TM9SF3: variants seen among roughly 807,000 people sequenced by gnomAD.
TM9SF3 encodes SM-11044-binding protein.
In TM9SF3, 14 loss-of-function variants were observed where a neutral mutation model predicts 78.6. The ratio of observed to expected loss-of-function variants is 0.18; its 90% confidence interval spans 0.12 to 0.28. The LOEUF (loss-of-function observed/expected upper bound fraction) is 0.28. Ranked by LOEUF, TM9SF3 falls within the 10% of genes least tolerant of loss-of-function variation. The probability of loss-of-function intolerance (pLI) is 1.00; values close to 1 mark genes in which losing one functional copy is unlikely to be tolerated. For synonymous variants in TM9SF3, 231 were observed against 241.7 expected, an observed-to-expected ratio of 0.96 and a Z score of 0.41; for missense variants, 496 against 721.9, an observed-to-expected ratio of 0.69 and a Z score of 3.59.
intron 10 of TM9SF3, among the ~76,000 whole-genome samples, chr10:96,531,632 G>A (rs922538494): frequency 6.6e-6 from 1 of 152,128 alleles, no homozygotes; most frequent in Non-Finnish European, 1.5e-5. Flanking sequence ...GAGGTTAAAA[G>A]TGATCTGCCC....
Position 96,535,408 on chromosome 10 carries a change from G to A in TM9SF3, c.1186-2218C>T, listed in dbSNP as rs377561407. On this transcript the variant is annotated intron_variant, in intron 9 of 14. Coordinates refer to ENST00000371142, the MANE Select transcript of TM9SF3 (RefSeq NM_020123.4). The stretch of plus-strand genomic sequence containing the variant: ...ATAACTAAATAAATTGGGTGCTGAA[G>A]ATAAGTAATAGCTTACTTTATTCAA... 1.9e-4 allele frequency among the ~76,000 whole-genome samples: 29 copies of A among 152,284 alleles called. No homozygotes were observed. The East Asian group carries it at 2.9e-3, about 15-fold the overall frequency.
At chr10:96,560,579 G>A (rs555498260) in intron 4 of TM9SF3, 127 of 680,644 alleles carry the variant, frequency 1.9e-4, no homozygotes, top group Non-Finnish European at 1.5e-4. Context: ...AGGAGGAGGC[G>A]AAATTCTTAA....
chr10:96,560,478 C>G (rs1848292437), intron 4 of TM9SF3: 3 of 757,988 alleles, frequency 4.0e-6, no homozygotes, highest in Non-Finnish European at 7.1e-6. Flanking sequence ...ACCACCAGTG[C>G]TTTTATGGTT....
At position 96,559,663 on chromosome 10, in the gene TM9SF3, T is replaced by C; in HGVS notation, c.656A>G (p.His219Arg). The change falls in exon 5 of 15, where the codon CAT becomes CGT. Residue 219 changes from histidine to arginine, a missense_variant. His to Arg is a conservative substitution (Grantham distance 29). Transcript: ENST00000371142. ...TAAAATACACTATTTACCTACCCGA[T>C]GTTGAAAAAAGGACGGATCAAGATA... ...DKYLDPSFFQ[H>R]RIHWFSIFNS... is the part of the protein sequence containing the mutation. 1.3e-6 allele frequency: 2 copies of C among 1,587,624 alleles called. No individual in the cohort carries two copies. The highest frequency in any genetic ancestry group is 1.7e-6 in the Non-Finnish European group (2 of 1,163,322).
intron 1 of TM9SF3, among the ~76,000 whole-genome samples, chr10:96,580,203 G>A (rs1180194485): frequency 1.3e-5 from 2 of 152,116 alleles, no homozygotes; most frequent in African/African-American, 2.4e-5. Flanking sequence ...CTACACTTAC[G>A]TCATCCACGC....
rs398014526 is a variant in TM9SF3, at chr10:96,543,344, C to CTTTTTTTT, written c.1185+724_1185+731dup. 1.9e-3 allele frequency among the ~76,000 whole-genome samples: 256 copies of CTTTTTTTT among 136,878 alleles called. 42 individuals carry two copies. The highest frequency in any genetic ancestry group is 3.9e-3 in the Middle Eastern group (1 of 254). 89.8% of individuals were successfully genotyped at this position (136,878 alleles called of 152,430 possible). A position where few individuals can be genotyped will look rare whatever the true frequency, so the allele number is the denominator to read the frequency against. On this transcript the variant is annotated intron_variant, in intron 9 of 14. Transcript: ENST00000371142. ...ATTTACAAAAATGCTTAGTGAGATT[C>CTTTTTTTT]TTTTTTTTGAGATGGAGTCTGGCTC...
rs1847723281 is a variant in TM9SF3, at chr10:96,518,640, G to C, written c.*3623C>G. 6.6e-6 allele frequency: 1 copy of C among 152,102 alleles called. No individual in the cohort carries two copies. Among genetic ancestry groups the C allele is most frequent in the South Asian group, 2.1e-4 (1 of 4,830 alleles). The allele number at this position is 152,102 out of a possible 1,614,324, so 9.4% of individuals were successfully genotyped here. On this transcript the variant is annotated 3_prime_UTR_variant, in exon 15 of 15. Coordinates refer to ENST00000371142, the MANE Select transcript of TM9SF3 (RefSeq NM_020123.4). ...AGATTTCTGTCTGCAGCTCCAGTAA[G>C]AATGCCAAATCAGATGGCTTTTAGG...
chr10:96,556,707 G>A (rs1848238052), intron 5 of TM9SF3, among the ~76,000 whole-genome samples: 1 of 151,454 alleles, frequency 6.6e-6, no homozygotes, highest in African/African-American at 2.4e-5. Flanking sequence ...ACTGGCTACT[G>A]CACCATTTCT....
intron 8 of TM9SF3, among the ~76,000 whole-genome samples, chr10:96,546,036 C>T (rs546675740): frequency 3.3e-5 from 5 of 152,336 alleles, no homozygotes; most frequent in South Asian, 4.1e-4. Flanking sequence ...GTGTTTTCTA[C>T]TGCTCTTCAA....
chr10:96,534,895 T>C (rs1297785226), intron 9 of TM9SF3, among the ~76,000 whole-genome samples: 3 of 152,224 alleles, frequency 2.0e-5, no homozygotes, highest in African/African-American at 7.2e-5. Context: ...TCTGTGTATA[T>C]ACTGAACTGA....
chr10:96,541,486 C>T (rs894092394), intron 9 of TM9SF3, among the ~76,000 whole-genome samples: 17 of 151,824 alleles, frequency 1.1e-4, no homozygotes, highest in African/African-American at 3.1e-4. Flanking sequence ...AGTGATCAAG[C>T]GATTCTCCTG....
In TM9SF3 at chr10:96,586,738, T is replaced by C. The variant is rs1848636565; in HGVS notation, c.98A>G (p.His33Arg). ...LPRTRADEHE[H>R]TYQDKEEVVL... ...GCGCCGGCCGGGGCGCCTCACCGTG[T>C]GTTCGTGCTCGTCCGCCCGGGTCCG... Residue 33 changes from histidine (H) to arginine (R), a missense_variant, in exon 1 of 15, where the codon CAC becomes CGC. His to Arg is a conservative substitution (Grantham distance 29). Transcript: ENST00000371142. 9 of 1,245,800 alleles carry C rather than the reference T, an allele frequency of 7.2e-6. No homozygotes were observed. The highest frequency in any genetic ancestry group is 2.0e-6 in the Non-Finnish European group (2 of 997,616). The allele number at this position is 1,245,800 out of a possible 1,614,324, so 77.2% of individuals were successfully genotyped here. A position where few individuals can be genotyped will look rare whatever the true frequency, so the allele number is the denominator to read the frequency against.
Position 96,561,966 on chromosome 10 carries a change from T to G in TM9SF3, c.582+12A>C. ...AACACTACTTCCTACATTAAACTAT[T>G]TGAATACTTACTGAATATGACATCT... is the stretch of plus-strand genomic sequence containing the variant. On this transcript the variant is annotated intron_variant, in intron 4 of 14. Transcript: ENST00000371142. 6.2e-7 allele frequency: 1 copy of G among 1,603,852 alleles called. No homozygotes were observed. The highest frequency in any genetic ancestry group is 8.5e-7 in the Non-Finnish European group (1 of 1,176,214).
At position 96,521,420 on chromosome 10, in the gene TM9SF3, G is replaced by GA. The variant is rs1489435322; in HGVS notation, c.*842dup. 2 of 152,270 alleles carry GA rather than the reference G, an allele frequency of 1.3e-5. No individual in the cohort carries two copies. Among genetic ancestry groups the GA allele is most frequent in the Admixed American group, 1.3e-4 (2 of 15,238 alleles). 9.4% of individuals were successfully genotyped at this position (152,270 alleles called of 1,614,324 possible). ...AAAAGATTTAAGACTAACTTGGGGG[G>GA]AAAAAAGATAATCACTTTAGACATT... On this transcript the variant is annotated 3_prime_UTR_variant, in exon 15 of 15. Coordinates refer to ENST00000371142, the MANE Select transcript of TM9SF3 (RefSeq NM_020123.4).
chr10:96,581,428 A>G (rs533081060), intron 1 of TM9SF3, among the ~76,000 whole-genome samples: 8 of 152,342 alleles, frequency 5.3e-5, no homozygotes, highest in African/African-American at 1.9e-4. Context: ...CTTCAAAATA[A>G]TGTTCCAGAA....
chr10:96,581,400 GAA>G, intron 1 of TM9SF3, among the ~76,000 whole-genome samples: 1 of 152,242 alleles, frequency 6.6e-6, no homozygotes, highest in South Asian at 2.1e-4. Context: ...TACAAAGGGG[GAA>G]AAATATATGT....
chr10:96,527,251 T>C lies in TM9SF3; in HGVS notation c.1664A>G (p.Tyr555Cys). The change falls in exon 14 of 15, where the codon TAT (tyrosine) becomes TGT (cysteine). Residue 555 changes from tyrosine (Y) to cysteine (C), a missense_variant. By Grantham distance (194) the Tyr-to-Cys change is radical. Around this residue, in one of 4 missense-constraint regions of TM9SF3, gnomAD observed 280 missense variants for 422.6 expected, o/e 0.66. Transcript: ENST00000371142. ...CAAGGCTGTGCTAAATACCGCCATA[T>C]ATCCAAAGTAAAATGATGTTTGAAA... ...GLFQTSFYFG[Y>C]MAVFSTALGI... The C allele has an allele frequency of 6.2e-7, 1 of 1,611,824 alleles. No homozygotes were observed. Among genetic ancestry groups the C allele is most frequent in the Non-Finnish European group, 8.5e-7 (1 of 1,178,864 alleles).
Position 96,565,387 on chromosome 10 carries a change from T to C in TM9SF3, c.338A>G (p.Asp113Gly), listed in dbSNP as rs1318374931. The change falls in exon 3 of 15, where the codon GAT (aspartate) becomes GGT (glycine). Residue 113 changes from aspartate to glycine, a missense_variant. By Grantham distance (94) the Asp-to-Gly change is moderately conservative (BLOSUM62 -1). Transcript: ENST00000371142. ...TACAAATGCATCTCTCTTTTCTTTA[T>C]CTAAATCAATTTCACAGTAAGTGGC... ...MPATYCEIDL[D>G]KEKRDAFVYA... 1.3e-6 allele frequency: 2 copies of C among 1,557,978 alleles called. No homozygotes were observed. Among genetic ancestry groups the C allele is most frequent in the Non-Finnish European group, 1.7e-6 (2 of 1,161,456 alleles).
rs1457964986 is a variant in TM9SF3 at position 96,520,039 on chromosome 10, T to C, written c.*2224A>G. On this transcript the variant is annotated 3_prime_UTR_variant, in exon 15 of 15. Transcript: ENST00000371142. ...AAACCCTACATCTTACCTGCAAGAT[T>C]CATATCATGAGAAACAAATTTCATT... 1 of 151,928 alleles carries C rather than the reference T, an allele frequency of 6.6e-6. No homozygotes were observed. The highest frequency in any genetic ancestry group is 2.4e-5 in the African/African-American group (1 of 41,414). The allele number at this position is 151,928 out of a possible 1,614,324, so 9.4% of individuals were successfully genotyped here. A position where few individuals can be genotyped will look rare whatever the true frequency, so the allele number is the denominator to read the frequency against.
Sources: gnomAD v4.1 joint callset for allele counts (sites outside exome capture counted in the v4.1 genomes callset) on GRCh38, gnomAD v4.1.1 for gene constraint, gnomAD v4.1.1 regional missense constraint, MANE v1.5 for transcripts, NCBI Gene and HGNC (gene_info 2026-07-23, HGNC 2026-07-21) for gene names.